Variants in ANKRD28 observed in about 807,000 individuals in gnomAD.
The protein encoded by ANKRD28 is serine/threonine-protein phosphatase 6 regulatory ankyrin repeat subunit A.
A neutral mutation model predicts 126.5 loss-of-function variants in ANKRD28; 44 were observed. That is an observed-to-expected ratio of 0.35 (90% CI 0.27 to 0.45). The LOEUF is 0.45. Ranked by LOEUF, ANKRD28 falls within the 20% of genes least tolerant of loss-of-function variation. The pLI, the probability that ANKRD28 is intolerant of heterozygous loss-of-function variation, is 1.00. For missense variants in ANKRD28, 1,110 were observed against 1,316.6 expected (o/e 0.84, Z 2.43); for synonymous variants, 442 against 468.5 (o/e 0.94, Z 0.73).
chr3:15,777,873 CACACACACACACA>C (rs1188352245), intron 2 of ANKRD28, among the ~76,000 whole-genome samples: 12 of 150,662 alleles, frequency 8.0e-5, no homozygotes, highest in African/African-American at 2.7e-4. Context: ...CACACACACA[CACACACACACACA>C]CACACACACA....
chr3:15,803,482 T>G (rs1239244787), intron 1 of ANKRD28, among the ~76,000 whole-genome samples: 2 of 151,974 alleles, frequency 1.3e-5, no homozygotes, highest in Non-Finnish European at 2.9e-5. Context: ...CTGGGTGTGG[T>G]GGCGCGTGCC....
intron 7 of ANKRD28, among the ~76,000 whole-genome samples, chr3:15,723,525 GCT>G (rs1382964682): frequency 6.6e-6 from 1 of 152,178 alleles, no homozygotes; most frequent in African/African-American, 2.4e-5. Context: ...GGGTGTGGTG[GCT>G]CATGCCTGTA....
Position 15,829,485 on chromosome 3 carries a change from G to T in ANKRD28, c.27+29892C>A, listed in dbSNP as rs137874621. On this transcript the variant is annotated intron_variant, in intron 1 of 27. Transcript: ENST00000399451. ...GTGAATTATGAAGCCATATGAATGA[G>T]CTTTTAGTACTTTTTTCACATTAAA... Among the ~76,000 whole-genome samples the T allele has an allele frequency of 3.4e-3, 518 of 152,238 alleles. 3 individuals carry two copies. The highest frequency in any genetic ancestry group is 0.012 in the African/African-American group (501 of 41,540).
chr3:15,809,262 C>A (rs1379228380), intron 1 of ANKRD28, among the ~76,000 whole-genome samples: 1 of 152,218 alleles, frequency 6.6e-6, no homozygotes, highest in Non-Finnish European at 1.5e-5. Context: ...AAACCCACTT[C>A]AGTCCTCACC....
intron 21 of ANKRD28, among the ~76,000 whole-genome samples, chr3:15,683,275 T>A (rs1050938426): frequency 6.6e-6 from 1 of 152,198 alleles, no homozygotes; most frequent in Admixed American, 6.5e-5. Context: ...CAACTCACAA[T>A]TGTAGATATT....
intron 1 of ANKRD28, among the ~76,000 whole-genome samples, chr3:15,850,973 T>C (rs1034442396): frequency 6.6e-6 from 1 of 152,200 alleles, no homozygotes; most frequent in Non-Finnish European, 1.5e-5. Flanking sequence ...GTGTCAGAAC[T>C]AAACTGAATG....
intron 1 of ANKRD28, among the ~76,000 whole-genome samples, chr3:15,841,086 C>T (rs987227453): frequency 3.9e-5 from 6 of 152,056 alleles, no homozygotes; most frequent in African/African-American, 1.2e-4. Flanking sequence ...TGCAGTAAGC[C>T]GAGATCCGCG....
At chr3:15,789,518 A>C (rs1459438590) in intron 2 of ANKRD28, among the ~76,000 whole-genome samples, 1 of 152,146 alleles carries the variant, frequency 6.6e-6, no homozygotes, top group African/African-American at 2.4e-5. Context: ...CCATAAGTAC[A>C]TGATACAGCA....
intron 2 of ANKRD28, among the ~76,000 whole-genome samples, chr3:15,781,942 G>T (rs1424928230): frequency 6.6e-6 from 1 of 152,090 alleles, no homozygotes; most frequent in Admixed American, 6.6e-5. Flanking sequence ...TGGGAAAGGA[G>T]TGTAAGAATA....
chr3:15,823,428 G>A (rs1350643256), intron 1 of ANKRD28, among the ~76,000 whole-genome samples: 2 of 152,126 alleles, frequency 1.3e-5, no homozygotes, highest in Non-Finnish European at 2.9e-5. Context: ...TCCCAACAAA[G>A]AAATGCCTAG....
upstream of ANKRD28, among the ~76,000 whole-genome samples, chr3:15,801,062 A>T (rs1357967319): frequency 6.6e-6 from 1 of 152,096 alleles, no homozygotes; most frequent in Non-Finnish European, 1.5e-5. This position sits in a 1 kb window ranked among gnomAD's most constrained non-coding sequence, Gnocchi z 4.9. Flanking sequence ...ACTTAGAGAA[A>T]TATCAAGGGG....
chr3:15,776,347 A>C (rs141747336), intron 2 of ANKRD28, among the ~76,000 whole-genome samples: 457 of 152,362 alleles, frequency 3.0e-3, no homozygotes, highest in African/African-American at 8.0e-3. Context: ...ATCATTCAAA[A>C]TAGAAAAAAA....
At chr3:15,696,108 C>G in intron 15 of ANKRD28, 26 bp downstream of exon 15, 1 of 1,456,142 alleles carries the variant, frequency 6.9e-7, no homozygotes. Context: ...CCCATTAGGT[C>G]TTTCACAAGA....
At chr3:15,824,247 TG>T (rs2061010174) in intron 1 of ANKRD28, among the ~76,000 whole-genome samples, 1 of 152,220 alleles carries the variant, frequency 6.6e-6, no homozygotes. Flanking sequence ...CTCCGCCTCC[TG>T]GGCTCAAGCG....
rs181763201 is a variant in ANKRD28, at chr3:15,821,403, T to A, written c.28-26097A>T. On this transcript the variant is annotated intron_variant, in intron 1 of 27. Transcript: ENST00000399451. ...TAACCTTTTAGAAAATGTAAAGATG[T>A]ACAATCCTTACTTTTAAACACAATA... Among the ~76,000 whole-genome samples, 510 of 152,308 alleles carry A rather than the reference T, an allele frequency of 3.3e-3. 7 individuals carry two copies. The highest frequency in any genetic ancestry group is 3.4e-3 in the Non-Finnish European group (229 of 68,020).
intron 2 of ANKRD28, among the ~76,000 whole-genome samples, chr3:15,773,591 T>C (rs1476613123): frequency 6.6e-6 from 1 of 152,050 alleles, no homozygotes; most frequent in Non-Finnish European, 1.5e-5. Flanking sequence ...CACTCCTGCC[T>C]GGGCAACAGA....
chr3:15,674,659 G>C (rs1442617384), intron 27 of ANKRD28, among the ~76,000 whole-genome samples: 1 of 152,088 alleles, frequency 6.6e-6, no homozygotes, highest in Non-Finnish European at 1.5e-5. Context: ...AGAGCACTAG[G>C]GAGTCAATGT....
chr3:15,832,948 G>T (rs192870511), intron 1 of ANKRD28, among the ~76,000 whole-genome samples: 2 of 152,300 alleles, frequency 1.3e-5, no homozygotes, highest in African/African-American at 4.8e-5. Flanking sequence ...ATTCACAGTA[G>T]TGGGACTGCA....
chr3:15,819,048 T>C (rs991053978), intron 1 of ANKRD28, among the ~76,000 whole-genome samples: 5 of 152,036 alleles, frequency 3.3e-5, no homozygotes, highest in Admixed American at 1.3e-4. Flanking sequence ...GAGGACAAGG[T>C]GGGAGGACTG....
Sources: gnomAD v4.1 joint callset for allele counts (sites outside exome capture counted in the v4.1 genomes callset) on GRCh38, gnomAD v4.1.1 for gene constraint, Gnocchi (gnomAD v3.1) non-coding constraint, MANE v1.5 for transcripts, NCBI Gene and HGNC (gene_info 2026-07-23, HGNC 2026-07-21) for gene names.